Variants in DHX36 observed in about 807,000 individuals in gnomAD.
The protein encoded by DHX36 is ATP-dependent DNA/RNA helicase DHX36.
A neutral mutation model predicts 139.0 loss-of-function variants in DHX36; 50 were observed. The observed-to-expected ratio is 0.36, with a 90% CI of 0.29 to 0.46. DHX36 has a LOEUF of 0.46. Ranked by LOEUF, DHX36 falls within the 20% of genes least tolerant of loss-of-function variation. The pLI is 1.00. For missense variants in DHX36, 1,024 were observed against 1,211.3 expected, an observed-to-expected ratio of 0.85 and a Z score of 2.29; for synonymous variants, 425 against 401.9, an observed-to-expected ratio of 1.06 and a Z score of -0.69.
rs534267044 is a variant in DHX36 at position 154,273,222 on chromosome 3, T to A, written c.*2949A>T. 2 of 152,328 alleles carry A rather than the reference T, an allele frequency of 1.3e-5. No individual in the cohort carries two copies. The highest frequency in any genetic ancestry group is 4.1e-4 in the South Asian group (2 of 4,828). 9.4% of individuals were successfully genotyped at this position (152,328 alleles called of 1,614,324 possible). Reference sequence around the variant, plus strand: ...ATGTATTTTCTACTCAGTAATGCCCTATTTTGTAAACAAAAGAAACAGAAT... The same window carrying A: ...ATGTATTTTCTACTCAGTAATGCCCAATTTTGTAAACAAAAGAAACAGAAT... On this transcript the variant is annotated 3_prime_UTR_variant, in exon 25 of 25. Coordinates refer to ENST00000496811, the MANE Select transcript of DHX36 (RefSeq NM_020865.3).
At chr3:154,277,747 TA>T in intron 22 of DHX36, 29 bp from the exon 23 acceptor site, 1 of 1,569,350 alleles carries the variant, frequency 6.4e-7, no homozygotes, top group Non-Finnish European at 8.7e-7. Context: ...TGCAGTTTGT[TA>T]AAAAGAAGTC....
chr3:154,273,776 T>C lies in DHX36; in HGVS notation c.*2395A>G, dbSNP rs937243159. 3.3e-5 allele frequency: 5 copies of C among 152,220 alleles called. No individual in the cohort carries two copies. Among genetic ancestry groups the C allele is most frequent in the African/African-American group, 4.8e-5 (2 of 41,458 alleles). The allele number at this position is 152,220 out of a possible 1,614,324, so 9.4% of individuals were successfully genotyped here. On this transcript the variant is annotated 3_prime_UTR_variant, in exon 25 of 25. Transcript: ENST00000496811. Reference sequence around the variant, plus strand: ...AGCATTATCAATACATCCCAGTCATTGTATGATACTATTAACTCTTTCGGT... The same window carrying C: ...AGCATTATCAATACATCCCAGTCATCGTATGATACTATTAACTCTTTCGGT...
intron 17 of DHX36, among the ~76,000 whole-genome samples, chr3:154,285,563 A>T (rs934835954): frequency 5.9e-5 from 9 of 152,174 alleles, no homozygotes; most frequent in African/African-American, 2.2e-4. Flanking sequence ...CATCTAGGGG[A>T]GGTGAGTGCA....
At chr3:154,322,687 A>C (rs1576887152) in intron 1 of DHX36, among the ~76,000 whole-genome samples, 1 of 152,364 alleles carries the variant, frequency 6.6e-6, no homozygotes, top group Admixed American at 6.5e-5. Flanking sequence ...TGTGGAAACA[A>C]TAATGAACAT....
chr3:154,292,217 C>T (rs1042790632), intron 15 of DHX36, among the ~76,000 whole-genome samples: 1 of 152,110 alleles, frequency 6.6e-6, no homozygotes, highest in Non-Finnish European at 1.5e-5. Context: ...ATCAAGTGTT[C>T]AGGAGATGAT....
intron 11 of DHX36, 110 bp from the exon 12 acceptor site, chr3:154,300,035 A>G: frequency 2.8e-6 from 2 of 702,496 alleles, no homozygotes; most frequent in Non-Finnish European, 5.0e-6. Context: ...GCTCAGGATA[A>G]TTTTCGTTAA....
At position 154,300,713 on chromosome 3, in the gene DHX36, C is replaced by G; in HGVS notation, c.1359-17G>C. On this transcript the variant is annotated splice_polypyrimidine_tract_variant and intron_variant, in intron 10 of 24. Coordinates refer to ENST00000496811, the MANE Select transcript of DHX36 (RefSeq NM_020865.3). ...GCAGAATACCTATCAAAGTTAAACA[C>G]AAAGTCATGAAATACTTAATCAAGT... The G allele has an allele frequency of 6.3e-7, 1 of 1,578,312 alleles. No individual in the cohort carries two copies. The highest frequency in any genetic ancestry group is 8.7e-7 in the Non-Finnish European group (1 of 1,154,756).
Position 154,274,248 on chromosome 3 carries a change from CA to C in DHX36, c.*1922del, listed in dbSNP as rs1380161552. The C allele has an allele frequency of 6.5e-6, 1 of 154,488 alleles. No homozygotes were observed. Among genetic ancestry groups the C allele is most frequent in the Non-Finnish European group, 1.4e-5 (1 of 69,608 alleles). 9.6% of individuals were successfully genotyped at this position (154,488 alleles called of 1,614,324 possible). A position where few individuals can be genotyped will look rare whatever the true frequency, so the allele number is the denominator to read the frequency against. On this transcript the variant is annotated 3_prime_UTR_variant, in exon 25 of 25. Transcript: ENST00000496811. ...ACTTGAACCCAGGAAGTCGAGGCTG[CA>C]GTGAACCAAGATCACACCACTGCAC...
intron 8 of DHX36, among the ~76,000 whole-genome samples, chr3:154,304,053 C>CTACA (rs1712406841): frequency 6.6e-6 from 1 of 152,132 alleles, no homozygotes; most frequent in Non-Finnish European, 1.5e-5. Flanking sequence ...AATGTTAGTT[C>CTACA]TAGAAGTCTC....
At chr3:154,277,911 T>G (rs1719204068) in intron 22 of DHX36, 193 bp from the exon 23 acceptor site, 3 of 423,788 alleles carry the variant, frequency 7.1e-6, no homozygotes. Flanking sequence ...AGAGCATAAT[T>G]TCCTTAAAAA....
At chr3:154,319,043 A>C (rs137974303) in intron 1 of DHX36, 2 of 152,256 alleles carry the variant, frequency 1.3e-5, no homozygotes, top group East Asian at 3.9e-4. Context: ...TTCTCCCCAC[A>C]ATGAGTTTCT....
intron 3 of DHX36, among the ~76,000 whole-genome samples, chr3:154,314,169 A>C (rs1191766349): frequency 6.6e-6 from 1 of 152,176 alleles, no homozygotes; most frequent in Non-Finnish European, 1.5e-5. Flanking sequence ...TTCATCCTGA[A>C]ATTTCCTCCA....
At chr3:154,312,441 T>C (rs1712795500) in intron 3 of DHX36, among the ~76,000 whole-genome samples, 1 of 152,124 alleles carries the variant, frequency 6.6e-6, no homozygotes, top group African/African-American at 2.4e-5. Flanking sequence ...CATAAAAACA[T>C]TTAAGAAGCA....
Position 154,289,783 on chromosome 3 carries a change from CTCT to C in DHX36, c.1855_1857del (p.Arg619del). 6.2e-7 allele frequency: 1 copy of C among 1,613,040 alleles called. No individual in the cohort carries two copies. Among genetic ancestry groups the C allele is most frequent in the Non-Finnish European group, 8.5e-7 (1 of 1,179,468 alleles). On this transcript the variant is annotated inframe_deletion, in exon 16 of 25. Transcript: ENST00000496811. ...AGTTGATAGTCATCTAGAAGACTTG[CTCT>C]AAGACCATTATACAGATGATAGCAA... is the stretch of plus-strand genomic sequence containing the variant.
chr3:154,295,511 T>G (rs1712006864), intron 12 of DHX36, among the ~76,000 whole-genome samples, 172 bp from the exon 13 acceptor site: 1 of 152,222 alleles, frequency 6.6e-6, no homozygotes, highest in Non-Finnish European at 1.5e-5. Flanking sequence ...ACTGCCCATG[T>G]GTTTAAGTGA....
intron 17 of DHX36, among the ~76,000 whole-genome samples, chr3:154,286,826 T>C (rs1053206002): frequency 2.0e-5 from 3 of 152,108 alleles, no homozygotes; most frequent in Admixed American, 2.0e-4. Context: ...TTATTATTTT[T>C]TTTTTAAGAG....
chr3:154,286,759 T>C (rs911432275), intron 17 of DHX36, among the ~76,000 whole-genome samples: 7 of 149,020 alleles, frequency 4.7e-5, no homozygotes, highest in Non-Finnish European at 9.0e-5. Context: ...TCAAATGTAT[T>C]TGGAAAAACA....
At position 154,324,486 on chromosome 3, in the gene DHX36, G is replaced by T. The variant is rs968910357; in HGVS notation, c.-70C>A. 5 of 1,428,586 alleles carry T rather than the reference G, an allele frequency of 3.5e-6. No homozygotes were observed. The highest frequency in any genetic ancestry group is 4.6e-6 in the Non-Finnish European group (5 of 1,094,886). 88.5% of individuals were successfully genotyped at this position (1,428,586 alleles called of 1,614,324 possible). A position where few individuals can be genotyped will look rare whatever the true frequency, so the allele number is the denominator to read the frequency against. ...ATGGCGTCCGGGCCCGGAAGCCACT[G>T]TGCGCCCACTTCCGTTTTGCTTCCG... On this transcript the variant is annotated 5_prime_UTR_variant, in exon 1 of 25. Coordinates refer to ENST00000496811, the MANE Select transcript of DHX36 (RefSeq NM_020865.3).
chr3:154,283,246 C>A lies in DHX36; in HGVS notation c.2318G>T (p.Gly773Val). Residue 773 changes from glycine to valine, a missense_variant, in exon 20 of 25, where the codon GGT becomes GTT. Transcript: ENST00000496811. ...FEGWEEARRRGFRYEKDYCWE... is the reference protein window; with the variant it reads ...FEGWEEARRRVFRYEKDYCWE... ...GCAATAGTCCTTTTCGTATCTGAAA[C>A]CACGTCGCCTAGCCTCTTCCCAGCC... 6.2e-7 allele frequency: 1 copy of A among 1,613,690 alleles called. No homozygotes were observed. The highest frequency in any genetic ancestry group is 8.5e-7 in the Non-Finnish European group (1 of 1,179,704).
Sources: gnomAD v4.1 joint callset for allele counts (sites outside exome capture counted in the v4.1 genomes callset) on GRCh38, gnomAD v4.1.1 for gene constraint, MANE v1.5 for transcripts, NCBI Gene and HGNC (gene_info 2026-07-23, HGNC 2026-07-21) for gene names.